The following ARHGEF11 variants were observed in gnomAD, a reference collection of about 807,000 sequenced individuals.
ARHGEF11 encodes the protein Rho guanine exchange factor (GEF) 11.
ARHGEF11 carries 55 observed loss-of-function variants against 193.7 expected under a neutral mutation model. That is an observed-to-expected ratio of 0.28 (90% CI 0.23 to 0.36). ARHGEF11 has a LOEUF of 0.36. Ranked by LOEUF, ARHGEF11 falls within the 10% of genes least tolerant of loss-of-function variation. ARHGEF11 has a pLI of 1.00. For missense variants in ARHGEF11, 1,723 were observed against 2,005.6 expected (o/e 0.86, Z 2.69); for synonymous variants, 693 against 768.0 (o/e 0.90, Z 1.62).
chr1:156,935,199 G>T lies in ARHGEF11; in HGVS notation c.*801C>A, dbSNP rs892170092. The stretch of plus-strand genomic sequence containing the variant: ...ACAGGGACAGGGTGGGGAAGAGGGG[G>T]ACATAGGTGGGGTAAGAAACCCCCA... On this transcript the variant is annotated 3_prime_UTR_variant, in exon 41 of 41. Transcript: ENST00000368194. 6.6e-6 allele frequency: 1 copy of T among 152,458 alleles called. No individual in the cohort carries two copies. Among genetic ancestry groups the T allele is most frequent in the Non-Finnish European group, 1.5e-5 (1 of 68,038 alleles). The allele number at this position is 152,458 out of a possible 1,614,324, so 9.4% of individuals were successfully genotyped here.
rs1180573168 is a variant in ARHGEF11 at position 157,045,153 on chromosome 1, T to C, written c.-823A>G. On this transcript the variant is annotated 5_prime_UTR_variant, in exon 1 of 41. Transcript: ENST00000368194. Reference sequence around the variant, plus strand: ...TTTACCTTTAAGATGGTAGTAATGATAACAAACCAGAGATAATCTCTGAAA... The same window carrying C: ...TTTACCTTTAAGATGGTAGTAATGACAACAAACCAGAGATAATCTCTGAAA... The C allele has an allele frequency of 1.3e-5, 2 of 152,180 alleles. No homozygotes were observed. The highest frequency in any genetic ancestry group is 2.9e-5 in the Non-Finnish European group (2 of 68,038). The allele number at this position is 152,180 out of a possible 1,614,324, so 9.4% of individuals were successfully genotyped here.
chr1:156,956,338 A>C (rs1392546491), intron 19 of ARHGEF11, 82 bp downstream of exon 19: 3 of 1,476,154 alleles, frequency 2.0e-6, no homozygotes, highest in African/African-American at 2.8e-5. Context: ...CTGGTCTCGA[A>C]CTCCTGAGCT....
At chr1:156,970,111 A>C in intron 8 of ARHGEF11, 68 bp from the exon 9 acceptor site, 1 of 1,398,234 alleles carries the variant, frequency 7.2e-7, no homozygotes, top group East Asian at 2.3e-5. Flanking sequence ...TTCTTTCACC[A>C]ATCAGTGCCT....
intron 32 of ARHGEF11, 151 bp from the exon 33 acceptor site, chr1:156,942,931 C>A: frequency 1.6e-6 from 1 of 633,110 alleles, no homozygotes; most frequent in South Asian, 2.0e-5. Context: ...TTCAGGACCA[C>A]TTGGAACCCA....
At position 156,935,101 on chromosome 1, in the gene ARHGEF11, C is replaced by T. The variant is rs1654831435; in HGVS notation, c.*899G>A. On this transcript the variant is annotated 3_prime_UTR_variant, in exon 41 of 41. Transcript: ENST00000368194. ...GGATGGTCCTGGGTGAATTCAGGGACTCGGCATTCAGACCCCTGTCCCCAC... is the reference window on the plus strand; with the variant it reads ...GGATGGTCCTGGGTGAATTCAGGGATTCGGCATTCAGACCCCTGTCCCCAC... 6.6e-6 allele frequency: 1 copy of T among 152,332 alleles called. No individual in the cohort carries two copies. The highest frequency in any genetic ancestry group is 6.6e-5 in the Admixed American group (1 of 15,242). The allele number at this position is 152,332 out of a possible 1,614,324, so 9.4% of individuals were successfully genotyped here.
chr1:156,963,778 G>A, intron 11 of ARHGEF11, 184 bp from the exon 12 acceptor site: 3 of 1,426,798 alleles, frequency 2.1e-6, no homozygotes, highest in Non-Finnish European at 2.7e-6. Flanking sequence ...CTTGCAGGAA[G>A]TCAACTGCTT....
At chr1:156,983,848 A>G (rs756812379) in intron 3 of ARHGEF11, among the ~76,000 whole-genome samples, 1 of 152,240 alleles carries the variant, frequency 6.6e-6, no homozygotes, top group Non-Finnish European at 1.5e-5. Context: ...CATCACATCC[A>G]ACATATATCA....
intron 7 of ARHGEF11, 133 bp downstream of exon 7, chr1:156,976,850 G>C (rs958390971): frequency 7.6e-6 from 6 of 784,482 alleles, no homozygotes; most frequent in Non-Finnish European, 1.3e-5. Context: ...TAGTGGTCCG[G>C]AAGTTTTATT....
At chr1:156,968,237 G>A (rs1221815499) in intron 10 of ARHGEF11, 113 bp from the exon 11 acceptor site, 4 of 1,201,884 alleles carry the variant, frequency 3.3e-6, no homozygotes, top group Non-Finnish European at 1.2e-6. Flanking sequence ...TAAGAGAAGT[G>A]CAGTACTTGC....
chr1:157,024,586 T>C (rs1670420697), intron 1 of ARHGEF11, among the ~76,000 whole-genome samples: 1 of 152,212 alleles, frequency 6.6e-6, no homozygotes, highest in South Asian at 2.1e-4. Context: ...AAAAAACTTG[T>C]CTGCAGGTAT....
chr1:156,938,790 A>G (rs531241222), intron 37 of ARHGEF11: 10 of 437,004 alleles, frequency 2.3e-5, no homozygotes, highest in Non-Finnish European at 3.3e-5. Context: ...GCTGGAAGGG[A>G]GGCAGAGTGG....
intron 17 of ARHGEF11, 98 bp from the exon 18 acceptor site, chr1:156,957,913 G>T: frequency 8.3e-7 from 1 of 1,211,860 alleles, no homozygotes; most frequent in Non-Finnish European, 1.2e-6. Context: ...CTAGATGAAA[G>T]GAGGGTTAGT....
chr1:156,972,453 G>T (rs1358288430), intron 7 of ARHGEF11, among the ~76,000 whole-genome samples: 1 of 152,262 alleles, frequency 6.6e-6, no homozygotes, highest in Non-Finnish European at 1.5e-5. Context: ...TGGGACGGGT[G>T]TAATAGTGGA....
At chr1:156,976,143 G>A (rs1663220501) in intron 7 of ARHGEF11, among the ~76,000 whole-genome samples, 1 of 152,012 alleles carries the variant, frequency 6.6e-6, no homozygotes, top group African/African-American at 2.4e-5. Flanking sequence ...ACGGTATCTA[G>A]CATATAGCAA....
At chr1:156,996,713 C>T (rs1666546813) in intron 1 of ARHGEF11, among the ~76,000 whole-genome samples, 1 of 133,240 alleles carries the variant, frequency 7.5e-6, no homozygotes, top group East Asian at 2.5e-4. Flanking sequence ...GCGGAGCTTG[C>T]AGTGAGCCGA....
intron 13 of ARHGEF11, among the ~76,000 whole-genome samples, chr1:156,962,741 T>C (rs1354386247): frequency 1.3e-5 from 2 of 151,774 alleles, no homozygotes; most frequent in African/African-American, 4.8e-5. Flanking sequence ...TAGCCGGGCA[T>C]GGTGACGGGC....
At chr1:156,936,638 A>G (rs983837949) in intron 40 of ARHGEF11, among the ~76,000 whole-genome samples, 178 bp downstream of exon 40, 2 of 151,378 alleles carry the variant, frequency 1.3e-5, no homozygotes, top group Admixed American at 1.3e-4. Flanking sequence ...TTTGCCAGGG[A>G]GCTTCTGTGG....
At chr1:157,041,307 G>C (rs1672720614) in intron 1 of ARHGEF11, among the ~76,000 whole-genome samples, 1 of 152,128 alleles carries the variant, frequency 6.6e-6, no homozygotes, top group Non-Finnish European at 1.5e-5. Flanking sequence ...AGTTGCCCAT[G>C]GACAAAAACT....
intron 38 of ARHGEF11, 81 bp downstream of exon 38, chr1:156,938,337 T>A: frequency 7.6e-7 from 1 of 1,323,704 alleles, no homozygotes; most frequent in South Asian, 1.3e-5. Flanking sequence ...TGTGTGACCA[T>A]GGGCAGGGGT....
Sources: gnomAD v4.1 joint callset for allele counts (sites outside exome capture counted in the v4.1 genomes callset) on GRCh38, gnomAD v4.1.1 for gene constraint, MANE v1.5 for transcripts, NCBI Gene and HGNC (gene_info 2026-07-23, HGNC 2026-07-21) for gene names.